VGLL1: variants seen among roughly 807,000 people sequenced by gnomAD.
The protein encoded by VGLL1 is transcription cofactor vestigial-like protein 1.
Under a neutral mutation model 12.0 loss-of-function variants are expected in VGLL1, and 4 were observed. That is an observed-to-expected ratio of 0.33 (90% CI 0.16 to 0.76). VGLL1 has a LOEUF of 0.76. Ranked by LOEUF, VGLL1 falls within the 30% of genes least tolerant of loss-of-function variation. The pLI, the probability that VGLL1 is intolerant of heterozygous loss-of-function variation, is 0.60. For synonymous variants in VGLL1, 87 were observed against 81.2 expected (o/e 1.07, Z -0.39); for missense variants, 204 against 208.7 (o/e 0.98, Z 0.14).
intron 2 of VGLL1, among the ~76,000 whole-genome samples, chrX:136,545,807 T>C (rs1050342116): frequency 9.0e-6 from 1 of 111,080 alleles, no homozygotes; most frequent in African/African-American, 3.3e-5. Context: ...AAAGTGTATA[T>C]GGGTGGAAAT....
intron 2 of VGLL1, among the ~76,000 whole-genome samples, chrX:136,542,874 G>A (rs986611404): frequency 1.8e-5 from 2 of 111,531 alleles, no homozygotes; most frequent in Admixed American, 1.9e-4. Context: ...TGTGTATAAT[G>A]GCTAACACTT....
At chrX:136,543,285 C>T (rs2148531390) in intron 2 of VGLL1, among the ~76,000 whole-genome samples, 1 of 111,613 alleles carries the variant, frequency 9.0e-6, no homozygotes, top group Non-Finnish European at 1.9e-5. Flanking sequence ...CTCCCTCCAT[C>T]CCCAGTGATA....
At position 136,548,657 on chromosome X, in the gene VGLL1, G is replaced by A; in HGVS notation, c.283G>A (p.Val95Ile). 8.3e-7 allele frequency: 1 copy of A among 1,211,855 alleles called. No homozygotes were observed. Among genetic ancestry groups the A allele is most frequent in the Non-Finnish European group, 1.1e-6 (1 of 895,516 alleles). The stretch of plus-strand genomic sequence containing the variant: ...GACAAAGCCACAACCAGAAGTACCT[G>A]TCACAAACCGTGCCGCCAACTGCAA... ...PWTKPQPEVP[V>I]TNRAANCNLH... The change falls in exon 3 of 5, where the codon GTC becomes ATC. Residue 95 changes from valine (V) to isoleucine (I), a missense_variant. Val to Ile is a conservative substitution (Grantham distance 29, BLOSUM62 3). Transcript: ENST00000370634.
At chrX:136,535,473 C>T (rs1035874312) in intron 1 of VGLL1, among the ~76,000 whole-genome samples, 2 of 111,464 alleles carry the variant, frequency 1.8e-5, no homozygotes, top group East Asian at 2.8e-4. Context: ...TAGATTAAGG[C>T]GTCAGGGGAG....
chrX:136,536,233 C>T lies in VGLL1; in HGVS notation c.213C>T (p.Asn71=), dbSNP rs149083598. Residue 71 remains asparagine, a splice_region_variant and synonymous_variant, in exon 2 of 5, where the codon AAC becomes AAT. Coordinates refer to ENST00000370634, the MANE Select transcript of VGLL1 (RefSeq NM_016267.4). ...SSQSEGVMLK[N]DDSMSPNQWR... is the part of the protein sequence containing the mutation. ...AGAGTGAAGGTGTGATGCTGAAAAA[C>T]GGTGAGCATGTGGGGAGGGAGGGAG... 146 of 1,206,156 alleles carry T rather than the reference C, an allele frequency of 1.2e-4. No homozygotes were observed. The African/African-American group carries it at 2.2e-3, about 18-fold the overall frequency.
At chrX:136,544,986 A>G (rs1407698606) in intron 2 of VGLL1, among the ~76,000 whole-genome samples, 1 of 112,370 alleles carries the variant, frequency 8.9e-6, no homozygotes, top group African/African-American at 3.2e-5. Context: ...GTTGCAAACC[A>G]GTAAAGAAAC....
chrX:136,549,044 T>G (rs1166276186), intron 3 of VGLL1, 36 bp downstream of exon 3: 1 of 1,169,687 alleles, frequency 8.5e-7, no homozygotes, highest in Admixed American at 2.3e-5. Flanking sequence ...GAGGGGTGCC[T>G]CTGATTGGTT....
At chrX:136,554,911 T>A (rs2075897149) in intron 4 of VGLL1, among the ~76,000 whole-genome samples, 1 of 112,402 alleles carries the variant, frequency 8.9e-6, no homozygotes, top group Non-Finnish European at 1.9e-5. Context: ...GAAGAAAGTC[T>A]GGGTAAACAT....
chrX:136,543,670 G>A (rs776884392), intron 2 of VGLL1, among the ~76,000 whole-genome samples: 2 of 109,990 alleles, frequency 1.8e-5, no homozygotes, highest in Admixed American at 9.7e-5. Flanking sequence ...AGGCTGAGGC[G>A]GGAGGATTGC....
intron 4 of VGLL1, among the ~76,000 whole-genome samples, chrX:136,553,085 G>T (rs922183259): frequency 9.0e-6 from 1 of 111,030 alleles, no homozygotes; most frequent in South Asian, 3.9e-4. Context: ...GCAGAGGGAG[G>T]TAACATGGAG....
At chrX:136,545,353 T>C (rs923069272) in intron 2 of VGLL1, among the ~76,000 whole-genome samples, 3 of 111,796 alleles carry the variant, frequency 2.7e-5, no homozygotes, top group Admixed American at 9.5e-5. Flanking sequence ...TGTATGTGTG[T>C]TTGTGTGTAA....
intron 2 of VGLL1, among the ~76,000 whole-genome samples, chrX:136,540,303 A>G (rs1603308484): frequency 9.0e-6 from 1 of 111,101 alleles, no homozygotes; most frequent in Non-Finnish European, 1.9e-5. Context: ...TACTGATCTC[A>G]TATCTTACCA....
rs2075876036 is a variant in VGLL1, at chrX:136,548,609, C to G, written c.235C>G (p.Gln79Glu). The change falls in exon 3 of 5, where the codon CAG (glutamine) becomes GAG (glutamate). Residue 79 changes from glutamine to glutamate, a missense_variant. Coordinates refer to ENST00000370634, the MANE Select transcript of VGLL1 (RefSeq NM_016267.4). Reference protein sequence around the residue: ...LKNDDSMSPNQWRYSSPWTKP... With the variant: ...LKNDDSMSPNEWRYSSPWTKP... ...CTCAGATGATAGCATGTCTCCAAAT[C>G]AGTGGCGTTACTCGTCTCCATGGAC... The G allele has an allele frequency of 8.3e-7, 1 of 1,209,703 alleles. No homozygotes were observed. Among genetic ancestry groups the G allele is most frequent in the African/African-American group, 1.7e-5 (1 of 57,172 alleles).
At chrX:136,554,432 G>A (rs1356312903) in intron 4 of VGLL1, among the ~76,000 whole-genome samples, 1 of 110,944 alleles carries the variant, frequency 9.0e-6, no homozygotes, top group East Asian at 2.8e-4. Flanking sequence ...AGAGAGTGTG[G>A]TACAAGAGAA....
intron 2 of VGLL1, among the ~76,000 whole-genome samples, chrX:136,540,023 C>T (rs1176285952): frequency 2.7e-5 from 3 of 111,413 alleles, no homozygotes; most frequent in Non-Finnish European, 3.8e-5. Flanking sequence ...AAGATCTGAC[C>T]GCATCTTCTC....
chrX:136,553,670 C>T (rs922193117), intron 4 of VGLL1, among the ~76,000 whole-genome samples: 5 of 112,068 alleles, frequency 4.5e-5, no homozygotes, highest in East Asian at 2.8e-4. Context: ...ACTACATGAA[C>T]CTTTCAGTGG....
At chrX:136,541,208 C>T (rs894719855) in intron 2 of VGLL1, among the ~76,000 whole-genome samples, 3 of 112,029 alleles carry the variant, frequency 2.7e-5, no homozygotes, top group Admixed American at 1.9e-4. Context: ...TTCTGTGAAA[C>T]CCCTGCCTGC....
intron 1 of VGLL1, among the ~76,000 whole-genome samples, chrX:136,533,064 TTCTCCA>T (rs1415754067): frequency 9.0e-6 from 1 of 111,650 alleles, no homozygotes; most frequent in Non-Finnish European, 1.9e-5. Context: ...CTCCTCATGT[TTCTCCA>T]GAGGTAGAGT....
At chrX:136,536,298 C>A (rs775714355) in intron 2 of VGLL1, 64 bp downstream of exon 2, 1 of 1,061,215 alleles carries the variant, frequency 9.4e-7, no homozygotes, top group African/African-American at 1.9e-5. Flanking sequence ...TACACCAGTT[C>A]TTTGATGTAC....
Sources: allele counts gnomAD v4.1 joint callset (sites outside exome capture counted in the v4.1 genomes callset), GRCh38; gene constraint gnomAD v4.1.1; transcripts MANE v1.5; gene names NCBI Gene and HGNC (gene_info 2026-07-23, HGNC 2026-07-21).